Variants in TMA7B observed in about 807,000 individuals in gnomAD.
TMA7B encodes translation machinery associated 7 homolog B, also known as translation machinery-associated protein 7B.
the TMA7B span, among the ~76,000 whole-genome samples, chr22:39,963,411 C>A: frequency 1.3e-5 from 2 of 152,166 alleles, no homozygotes; most frequent in Non-Finnish European, 2.9e-5. Flanking sequence ...ACTCTGAGTT[C>A]TTTGAGGTGG....
the TMA7B span, chr22:39,964,508 C>G: frequency 9.8e-7 from 1 of 1,019,738 alleles, no homozygotes; most frequent in Non-Finnish European, 1.5e-6. Flanking sequence ...GTGCTAAAAG[C>G]GAAGGTCGTG....
At chr22:39,963,752 T>A in the TMA7B span, among the ~76,000 whole-genome samples, 1 of 152,208 alleles carries the variant, frequency 6.6e-6, no homozygotes, top group Non-Finnish European at 1.5e-5. Context: ...GCGCAGTGGC[T>A]CACGCCTGTA....
chr22:39,961,521 A>C, the TMA7B span, among the ~76,000 whole-genome samples: 1 of 152,342 alleles, frequency 6.6e-6, no homozygotes, highest in East Asian at 1.9e-4. Context: ...ACAGAGGGCC[A>C]GGAGTGGGGG....
chr22:39,962,026 A>G, the TMA7B span, among the ~76,000 whole-genome samples: 1 of 152,360 alleles, frequency 6.6e-6, no homozygotes, highest in Non-Finnish European at 1.5e-5. Flanking sequence ...CTTTATTTTC[A>G]TAGCTTGGAG....
At chr22:39,964,229 C>T in the TMA7B span, 1 of 578,448 alleles carries the variant, frequency 1.7e-6, no homozygotes, top group Non-Finnish European at 3.0e-6. Context: ...GCTCAGCCCA[C>T]CCTTCCTAGA....
chr22:39,961,132 T>C, the TMA7B span, among the ~76,000 whole-genome samples: 4 of 152,076 alleles, frequency 2.6e-5, no homozygotes, highest in Admixed American at 2.0e-4. Flanking sequence ...AACTTATTTC[T>C]TTGTAGAGAC....
chr22:39,962,350 G>A, the TMA7B span, among the ~76,000 whole-genome samples: 6 of 152,042 alleles, frequency 3.9e-5, no homozygotes, highest in Non-Finnish European at 5.9e-5. Flanking sequence ...GGAGCTGGGC[G>A]GTTGAGGTTG....
At chr22:39,964,314 G>T in the TMA7B span, 2 of 686,522 alleles carry the variant, frequency 2.9e-6, no homozygotes, top group Non-Finnish European at 5.3e-6. Flanking sequence ...GCAACAAAAG[G>T]TGCTGATCTA....
chr22:39,962,242 G>A, the TMA7B span, among the ~76,000 whole-genome samples: 3 of 152,268 alleles, frequency 2.0e-5, no homozygotes, highest in Non-Finnish European at 4.4e-5. Flanking sequence ...GGGGCAACTA[G>A]TGAGACCTCA....
the TMA7B span, among the ~76,000 whole-genome samples, chr22:39,963,744 G>A: frequency 2.9e-3 from 441 of 152,284 alleles, 3 homozygotes; most frequent in South Asian, 0.013. Flanking sequence ...ATGGTCAGGC[G>A]CAGTGGCTCA....
chr22:39,964,715 TAAA>T, the TMA7B span: 1,641 of 306,366 alleles, frequency 5.4e-3, no homozygotes, highest in East Asian at 8.7e-3. Flanking sequence ...TAAACTTTTG[TAAA>T]AAAAAAAAAA....
At chr22:39,963,201 T>C in the TMA7B span, among the ~76,000 whole-genome samples, 1 of 152,234 alleles carries the variant, frequency 6.6e-6, no homozygotes, top group Admixed American at 6.5e-5. Flanking sequence ...GAGCTAATTG[T>C]AGTTCTATCA....
At chr22:39,964,362 G>C in the TMA7B span, 54 of 718,056 alleles carry the variant, frequency 7.5e-5, no homozygotes, top group Non-Finnish European at 1.3e-4. Flanking sequence ...CTGGGGAAGG[G>C]GCGGCAGGCG....
chr22:39,961,187 C>T, the TMA7B span, among the ~76,000 whole-genome samples: 1 of 152,066 alleles, frequency 6.6e-6, no homozygotes, highest in Admixed American at 6.6e-5. Context: ...CTCCTGGCCT[C>T]GAGTAATCCT....
chr22:39,964,822 C>G, the TMA7B span: 3 of 344,104 alleles, frequency 8.7e-6, no homozygotes, highest in Admixed American at 1.3e-4. Context: ...AGCTCAGAAT[C>G]TTGCCAGAAT....
At chr22:39,962,349 C>T in the TMA7B span, among the ~76,000 whole-genome samples, 3 of 152,034 alleles carry the variant, frequency 2.0e-5, no homozygotes, top group African/African-American at 4.8e-5. Context: ...TGGAGCTGGG[C>T]GGTTGAGGTT....
chr22:39,963,755 C>T, the TMA7B span, among the ~76,000 whole-genome samples: 5 of 152,194 alleles, frequency 3.3e-5, no homozygotes, highest in South Asian at 2.1e-4. Context: ...CAGTGGCTCA[C>T]GCCTGTAATC....
chr22:39,963,995 G>A, the TMA7B span: 26 of 170,402 alleles, frequency 1.5e-4, no homozygotes, highest in Non-Finnish European at 2.6e-4. Flanking sequence ...CAGCCTGGGC[G>A]ACAGAGCGAG....
chr22:39,964,715 T>TAAAAAA, the TMA7B span: 35 of 308,546 alleles, frequency 1.1e-4, no homozygotes, highest in South Asian at 4.7e-4. Flanking sequence ...TAAACTTTTG[T>TAAAAAA]AAAAAAAAAA....
Sources: allele counts gnomAD v4.1 joint callset (sites outside exome capture counted in the v4.1 genomes callset), GRCh38; gene constraint gnomAD v4.1.1; transcripts MANE v1.5; gene names NCBI Gene and HGNC (gene_info 2026-07-23, HGNC 2026-07-21).